Variants in ITPR2 observed in about 807,000 individuals in gnomAD.
The protein encoded by ITPR2 is inositol 1,4,5-trisphosphate-gated calcium channel ITPR2.
ITPR2 carries 207 observed loss-of-function variants against 317.1 expected under a neutral mutation model. That is an observed-to-expected ratio of 0.65 (90% CI 0.58 to 0.73). The LOEUF (loss-of-function observed/expected upper bound fraction) is 0.73, where lower values mean the gene tolerates loss of function less well. Ranked by LOEUF, ITPR2 falls within the 30% of genes least tolerant of loss-of-function variation. The probability of loss-of-function intolerance (pLI) is 0.00; values close to 1 mark genes in which losing one functional copy is unlikely to be tolerated. For synonymous variants in ITPR2, 1,156 were observed against 1,149.1 expected (o/e 1.01, Z -0.12); for missense variants, 2,613 against 3,284.0 (o/e 0.80, Z 4.99).
At chr12:26,341,363 T>C (rs1400602981) in intron 55 of ITPR2, among the ~76,000 whole-genome samples, 2 of 152,184 alleles carry the variant, frequency 1.3e-5, no homozygotes, top group Non-Finnish European at 2.9e-5. Context: ...AGAAGTCCAC[T>C]GAAATGGCTA....
intron 2 of ITPR2, among the ~76,000 whole-genome samples, chr12:26,747,830 C>T (rs1436873852): frequency 2.0e-5 from 3 of 152,204 alleles, no homozygotes; most frequent in Non-Finnish European, 2.9e-5. Flanking sequence ...ACCAGTCTCA[C>T]GTCATTATTT....
At chr12:26,664,345 T>C (rs991188401) in intron 14 of ITPR2, among the ~76,000 whole-genome samples, 7 of 152,122 alleles carry the variant, frequency 4.6e-5, no homozygotes, top group Non-Finnish European at 7.3e-5. Context: ...ACTGTTTTTG[T>C]ATACAAAGAT....
chr12:26,788,771 T>C (rs1950298282), intron 2 of ITPR2, among the ~76,000 whole-genome samples: 1 of 152,196 alleles, frequency 6.6e-6, no homozygotes, highest in East Asian at 1.9e-4. Context: ...CTCTCTGTGC[T>C]ATATTCTGGG....
intron 13 of ITPR2, among the ~76,000 whole-genome samples, chr12:26,669,106 G>A (rs1408617279): frequency 6.6e-6 from 1 of 151,620 alleles, no homozygotes; most frequent in Non-Finnish European, 1.5e-5. Flanking sequence ...GGGTGACAGG[G>A]CAAGATCCTG....
intron 54 of ITPR2, among the ~76,000 whole-genome samples, chr12:26,388,199 C>A (rs961277872): frequency 6.6e-6 from 1 of 151,992 alleles, no homozygotes; most frequent in African/African-American, 2.4e-5. Flanking sequence ...CATTTTTAAG[C>A]CTTTGGAAGT....
At chr12:26,489,392 T>C (rs1198781804) in intron 39 of ITPR2, among the ~76,000 whole-genome samples, 1 of 152,012 alleles carries the variant, frequency 6.6e-6, no homozygotes, top group Non-Finnish European at 1.5e-5. Context: ...ATCCTAGTGG[T>C]GAGGATGGAG....
intron 2 of ITPR2, among the ~76,000 whole-genome samples, chr12:26,732,529 T>C (rs1048466284): frequency 1.3e-5 from 2 of 152,212 alleles, no homozygotes; most frequent in Admixed American, 1.3e-4. Flanking sequence ...CTTTGTAAAC[T>C]ATAAACAGCA....
chr12:26,756,446 C>G (rs1357580935), intron 2 of ITPR2, among the ~76,000 whole-genome samples: 2 of 152,212 alleles, frequency 1.3e-5, no homozygotes, highest in African/African-American at 2.4e-5. Flanking sequence ...AGCCTTCTTA[C>G]TTGGTTTTCT....
intron 21 of ITPR2, among the ~76,000 whole-genome samples, chr12:26,641,725 C>T (rs1946993042): frequency 6.6e-6 from 1 of 152,100 alleles, no homozygotes; most frequent in Admixed American, 6.6e-5. Flanking sequence ...GCCTGGCATC[C>T]GTTACATAGT....
At chr12:26,569,648 AAGAAAAAAACCTATT>A (rs1945105107) in intron 34 of ITPR2, among the ~76,000 whole-genome samples, 2 of 152,160 alleles carry the variant, frequency 1.3e-5, no homozygotes, top group South Asian at 4.1e-4. Flanking sequence ...ACAAATTATT[AAGAAAAAAACCTATT>A]AGGAGAAATA....
chr12:26,515,279 G>C (rs1158705451), intron 37 of ITPR2, among the ~76,000 whole-genome samples: 1 of 152,160 alleles, frequency 6.6e-6, no homozygotes, highest in Non-Finnish European at 1.5e-5. Context: ...TAAAATAAAT[G>C]AAAGGCAAGA....
In ITPR2 at chr12:26,337,548, A is replaced by C. The variant is rs894571540; in HGVS notation, c.*1849T>G. The C allele has an allele frequency of 6.6e-6, 1 of 152,234 alleles. No homozygotes were observed. The highest frequency in any genetic ancestry group is 2.4e-5 in the African/African-American group (1 of 41,466). 9.4% of individuals were successfully genotyped at this position (152,234 alleles called of 1,614,324 possible). On this transcript the variant is annotated 3_prime_UTR_variant, in exon 57 of 57. Coordinates refer to ENST00000381340, the MANE Select transcript of ITPR2 (RefSeq NM_002223.4). ...GATTTTGGGAAAGCCATTTTAAACA[A>C]ACAAATATGTGGTATCATTTAAAGT...
intron 32 of ITPR2, among the ~76,000 whole-genome samples, chr12:26,591,528 T>C (rs973468969): frequency 1.3e-5 from 2 of 152,030 alleles, no homozygotes; most frequent in Non-Finnish European, 2.9e-5. Context: ...ATTTTGGAGT[T>C]TCCTCAAAAA....
At chr12:26,507,414 T>G (rs896505515) in intron 37 of ITPR2, among the ~76,000 whole-genome samples, 1 of 152,238 alleles carries the variant, frequency 6.6e-6, no homozygotes, top group Non-Finnish European at 1.5e-5. Context: ...GAATGTTATT[T>G]TGGAAATCAG....
chr12:26,785,601 A>C (rs112291238), intron 2 of ITPR2, among the ~76,000 whole-genome samples: 2 of 25,576 alleles, frequency 7.8e-5, no homozygotes, highest in Non-Finnish European at 1.8e-4. Context: ...TCCGGGAGGG[A>C]GGTGGGGGGG....
chr12:26,611,241 CAA>C (rs1202378369), intron 26 of ITPR2, among the ~76,000 whole-genome samples: 1 of 152,206 alleles, frequency 6.6e-6, no homozygotes, highest in Non-Finnish European at 1.5e-5. Context: ...TCCTCATCTG[CAA>C]AAACAGTCCC....
At chr12:26,573,385 G>C (rs1945207902) in intron 34 of ITPR2, among the ~76,000 whole-genome samples, 2 of 152,130 alleles carry the variant, frequency 1.3e-5, no homozygotes, top group Non-Finnish European at 2.9e-5. Context: ...AATCTGCTTA[G>C]TCAAGAACAA....
chr12:26,653,736 T>C (rs1258866164), intron 21 of ITPR2, among the ~76,000 whole-genome samples: 1 of 152,240 alleles, frequency 6.6e-6, no homozygotes, highest in Non-Finnish European at 1.5e-5. Flanking sequence ...TTGGCTATAA[T>C]GTTAGTTGCT....
In ITPR2 at chr12:26,656,520, ACATCCTTG is replaced by A; in HGVS notation, c.2213_2220del (p.Ala738ValfsTer28). 1 of 1,614,250 alleles carries A rather than the reference ACATCCTTG, an allele frequency of 6.2e-7. No individual in the cohort carries two copies. The highest frequency in any genetic ancestry group is 8.5e-7 in the Non-Finnish European group (1 of 1,180,046). On this transcript the variant is annotated frameshift_variant, in exon 19 of 57. Transcript: ENST00000381340. LOFTEE classifies it high-confidence loss of function. ...ATGGCCAGATACTGGCGATCCAAGC[ACATCCTTG>A]CAAAGAGGTTTAGCTGGTACCTTAA...
Sources: allele counts gnomAD v4.1 joint callset (sites outside exome capture counted in the v4.1 genomes callset), GRCh38; gene constraint gnomAD v4.1.1; transcripts MANE v1.5; gene names NCBI Gene and HGNC (gene_info 2026-07-23, HGNC 2026-07-21).